Variants in DCLRE1C observed in about 807,000 individuals in gnomAD.
DCLRE1C encodes protein artemis.
DCLRE1C carries 47 observed loss-of-function variants against 61.4 expected under a neutral mutation model. The observed-to-expected ratio is 0.77, with a 90% CI of 0.61 to 0.98. The LOEUF (loss-of-function observed/expected upper bound fraction) is 0.98. DCLRE1C is among the 50% of genes least tolerant of loss of function. The pLI is 0.00. For synonymous variants in DCLRE1C, 337 were observed against 287.6 expected, an observed-to-expected ratio of 1.17 and a Z score of -1.74; for missense variants, 858 against 816.0, an observed-to-expected ratio of 1.05 and a Z score of -0.63.
chr10:14,910,183 G>A (rs982897983), intron 13 of DCLRE1C, among the ~76,000 whole-genome samples: 6 of 152,104 alleles, frequency 3.9e-5, no homozygotes, highest in African/African-American at 1.4e-4. Context: ...CATGTTCCCC[G>A]TGTGAAGCTA....
At chr10:14,942,883 G>C (rs1174344145) in intron 3 of DCLRE1C, among the ~76,000 whole-genome samples, 1 of 152,130 alleles carries the variant, frequency 6.6e-6, no homozygotes, top group Non-Finnish European at 1.5e-5. Context: ...CCCAGCCCTT[G>C]GGTGGCCGAG....
chr10:14,943,553 CTTTT>C (rs1564466774), intron 3 of DCLRE1C, among the ~76,000 whole-genome samples: 1 of 152,040 alleles, frequency 6.6e-6, no homozygotes, highest in African/African-American at 2.4e-5. Context: ...ATTTGTCTAA[CTTTT>C]TTGTTTGTTT....
downstream of DCLRE1C, among the ~76,000 whole-genome samples, chr10:14,900,675 A>T (rs1227946731): frequency 6.6e-6 from 1 of 152,206 alleles, no homozygotes; most frequent in African/African-American, 2.4e-5. Flanking sequence ...TTGGACCAAA[A>T]ATTCAAGCAG....
chr10:14,940,392 G>A (rs1211476144), intron 3 of DCLRE1C, among the ~76,000 whole-genome samples: 2 of 151,378 alleles, frequency 1.3e-5, no homozygotes, highest in Admixed American at 6.6e-5. Context: ...GGGTTCACGC[G>A]ATTCTCCTGC....
exon 14 of DCLRE1C, chr10:14,897,695 T>G: frequency 4.3e-6 from 2 of 465,040 alleles, no homozygotes; most frequent in Non-Finnish European, 6.9e-6. Flanking sequence ...AATAAAAAAC[T>G]TTTATATGAA....
intron 4 of DCLRE1C, among the ~76,000 whole-genome samples, chr10:14,937,326 C>G (rs983386959): frequency 2.0e-5 from 3 of 147,446 alleles, no homozygotes; most frequent in African/African-American, 7.5e-5. Flanking sequence ...CACTCTGTCA[C>G]CCAGGCTGGA....
At chr10:14,911,273 G>C (rs540806286) in intron 13 of DCLRE1C, 5 of 152,192 alleles carry the variant, frequency 3.3e-5, no homozygotes, top group African/African-American at 2.4e-5. Flanking sequence ...AAAGAACCAA[G>C]AAGAGCCTTG....
In DCLRE1C at chr10:14,908,338, A is replaced by G. The variant is rs564357772; in HGVS notation, c.*70T>C. Reference sequence around the variant, plus strand: ...CATTTTTAAGTACTGTATTTTCTCTATTGTAATATTGACTGTCATCTCTGT... The same window carrying G: ...CATTTTTAAGTACTGTATTTTCTCTGTTGTAATATTGACTGTCATCTCTGT... On this transcript the variant is annotated 3_prime_UTR_variant, in exon 14 of 14. Transcript: ENST00000378278. The G allele has an allele frequency of 2.6e-5, 31 of 1,208,128 alleles. 1 individual carries two copies. The highest frequency in any genetic ancestry group is 1.9e-4 in the Middle Eastern group (1 of 5,264). 74.8% of individuals were successfully genotyped at this position (1,208,128 alleles called of 1,614,324 possible).
chr10:14,932,050 A>G (rs1839089197), intron 9 of DCLRE1C, among the ~76,000 whole-genome samples: 1 of 151,368 alleles, frequency 6.6e-6, no homozygotes, highest in African/African-American at 2.4e-5. Flanking sequence ...AATAAATAAT[A>G]AATAAATCAA....
At chr10:14,933,385 C>G (rs1031019466) in intron 8 of DCLRE1C, among the ~76,000 whole-genome samples, 1 of 152,164 alleles carries the variant, frequency 6.6e-6, no homozygotes, top group Non-Finnish European at 1.5e-5. Flanking sequence ...GCCTGTATTC[C>G]CAGCACTTTG....
intron 2 of DCLRE1C, among the ~76,000 whole-genome samples, chr10:14,945,950 G>A (rs969716160): frequency 3.4e-5 from 5 of 145,110 alleles, no homozygotes; most frequent in African/African-American, 1.3e-4. Flanking sequence ...GAGCCACTGC[G>A]CCCGGCCTAT....
chr10:14,933,971 A>G (rs987227450), intron 8 of DCLRE1C, among the ~76,000 whole-genome samples: 5 of 152,122 alleles, frequency 3.3e-5, no homozygotes, highest in Admixed American at 2.6e-4. Context: ...CCCTGTTTGC[A>G]GTTATTTAGC....
At position 14,906,027 on chromosome 10, in the gene DCLRE1C, A is replaced by G. The variant is rs1335036116; in HGVS notation, c.*2381T>C. Reference sequence around the variant, plus strand: ...TTCATGTTTCCTCTTGTGGTTTATGATTCTTGACGTAAAAACCAAGTAGCT... The same window carrying G: ...TTCATGTTTCCTCTTGTGGTTTATGGTTCTTGACGTAAAAACCAAGTAGCT... On this transcript the variant is annotated 3_prime_UTR_variant, in exon 14 of 14. Coordinates refer to ENST00000378278, the MANE Select transcript of DCLRE1C (RefSeq NM_001033855.3). Among the ~76,000 whole-genome samples, 1 of 152,176 alleles carries G rather than the reference A, an allele frequency of 6.6e-6. No individual in the cohort carries two copies. The highest frequency in any genetic ancestry group is 1.5e-5 in the Non-Finnish European group (1 of 68,018).
At chr10:14,946,341 T>C (rs1841684767) in intron 2 of DCLRE1C, among the ~76,000 whole-genome samples, 1 of 152,086 alleles carries the variant, frequency 6.6e-6, no homozygotes, top group Non-Finnish European at 1.5e-5. Context: ...CGCTATCATT[T>C]TGAGGTTAGG....
intron 5 of DCLRE1C, among the ~76,000 whole-genome samples, chr10:14,936,326 CTT>C (rs201889030): frequency 2.2e-5 from 3 of 137,222 alleles, no homozygotes; most frequent in African/African-American, 2.7e-5. Context: ...TTCTTTCTTT[CTT>C]TTTTTTTTTT....
At chr10:14,953,228 T>A (rs1842718103) in intron 1 of DCLRE1C, among the ~76,000 whole-genome samples, 1 of 152,226 alleles carries the variant, frequency 6.6e-6, no homozygotes, top group African/African-American at 2.4e-5. Context: ...GGTTGTCAAG[T>A]TAGCGGTATT....
In DCLRE1C at chr10:14,908,594, G is replaced by A. The variant is rs41300676; in HGVS notation, c.1893C>T (p.Pro631=). ...TAAGATTTAGCAAACTTTTTTCCTC[G>A]GGTATATGTGTCTCACTGCTTAGAG... The part of the protein sequence containing the change: ...PTTLSSETHI[P]EEKSLLNLST... The change falls in exon 14 of 14, where the codon CCC becomes CCT. Residue 631 remains proline, a synonymous_variant. Transcript: ENST00000378278. The A allele has an allele frequency of 5.6e-3, 8,967 of 1,614,068 alleles. 32 individuals carry two copies. Among genetic ancestry groups the A allele is most frequent in the Non-Finnish European group, 6.6e-3 (7,824 of 1,180,020 alleles).
At chr10:14,949,890 CA>C (rs1842209828) in intron 1 of DCLRE1C, among the ~76,000 whole-genome samples, 1 of 151,448 alleles carries the variant, frequency 6.6e-6, no homozygotes, top group African/African-American at 2.4e-5. Flanking sequence ...ACTAAAAATA[CA>C]AAAATTAGCC....
At chr10:14,901,286 A>G (rs1833986150), downstream of DCLRE1C, 4 of 1,612,748 alleles carry the variant, frequency 2.5e-6, no homozygotes, top group Non-Finnish European at 3.4e-6. Context: ...GTACAGTTTC[A>G]TTGGTGTCAG....
Sources: allele counts gnomAD v4.1 joint callset (sites outside exome capture counted in the v4.1 genomes callset), GRCh38; gene constraint gnomAD v4.1.1; transcripts MANE v1.5; gene names NCBI Gene and HGNC (gene_info 2026-07-23, HGNC 2026-07-21).